The following SLC8A1 variants were observed in gnomAD, a reference collection of about 807,000 sequenced individuals.
The protein encoded by SLC8A1 is solute carrier family 8 member A1.
Under a neutral mutation model 68.3 loss-of-function variants are expected in SLC8A1, and 18 were observed. That is an observed-to-expected ratio of 0.26 (90% CI 0.18 to 0.39). The LOEUF (loss-of-function observed/expected upper bound fraction) is 0.39, where lower values mean the gene tolerates loss of function less well. Among genes scored for constraint, SLC8A1 ranks in the 10% least tolerant of loss-of-function variants. The pLI is 1.00. For missense variants in SLC8A1, 985 were observed against 1,156.7 expected (o/e 0.85, Z 2.15); for synonymous variants, 475 against 415.5 (o/e 1.14, Z -1.74).
At chr2:40,315,950 C>T (rs2074389525) in intron 2 of SLC8A1, among the ~76,000 whole-genome samples, 1 of 151,978 alleles carries the variant, frequency 6.6e-6, no homozygotes, top group Non-Finnish European at 1.5e-5. Flanking sequence ...TTACACTGGT[C>T]TCAGGCCAAT....
chr2:40,250,843 T>C (rs1482829042), intron 2 of SLC8A1: 1 of 152,068 alleles, frequency 6.6e-6, no homozygotes, highest in Non-Finnish European at 1.5e-5. Context: ...CATACATGTA[T>C]ATGCAAAAAA....
chr2:40,214,044 T>A (rs1389474993), intron 2 of SLC8A1, among the ~76,000 whole-genome samples: 2 of 152,190 alleles, frequency 1.3e-5, no homozygotes, highest in African/African-American at 4.8e-5. Flanking sequence ...GTAGAAATGA[T>A]GACTGTGTGG....
intron 1 of SLC8A1, among the ~76,000 whole-genome samples, chr2:40,432,149 T>C (rs1484808212): frequency 6.6e-6 from 1 of 151,998 alleles, no homozygotes; most frequent in South Asian, 2.1e-4. Context: ...TGTTGGAAGA[T>C]CTAGTTCCAA....
chr2:40,114,108 G>A (rs2034921651), exon 8 of SLC8A1: 1 of 152,716 alleles, frequency 6.5e-6, no homozygotes, highest in South Asian at 2.1e-4. Flanking sequence ...AGAACAGTAT[G>A]TACTATACTC....
chr2:40,423,724 A>C (rs1696123805), intron 2 of SLC8A1, among the ~76,000 whole-genome samples: 1 of 152,026 alleles, frequency 6.6e-6, no homozygotes, highest in Non-Finnish European at 1.5e-5. Flanking sequence ...TTGACACCAT[A>C]AACAACCTTT....
intron 1 of SLC8A1, among the ~76,000 whole-genome samples, chr2:40,499,447 T>C (rs1705912603): frequency 6.6e-6 from 1 of 152,098 alleles, no homozygotes; most frequent in African/African-American, 2.4e-5. Flanking sequence ...GGAATTGCTT[T>C]TGTGCCAACT....
chr2:40,412,998 C>A (rs897802976), intron 2 of SLC8A1, among the ~76,000 whole-genome samples: 1 of 152,020 alleles, frequency 6.6e-6, no homozygotes, highest in Non-Finnish European at 1.5e-5. Context: ...GTGTGCTGCA[C>A]CCATTAACTT....
At chr2:40,160,637 A>T (rs746038446) in intron 6 of SLC8A1, 128 bp downstream of exon 9, 7 of 751,802 alleles carry the variant, frequency 9.3e-6, no homozygotes, top group Non-Finnish European at 1.4e-5. Context: ...TAACAAATAA[A>T]CTTATTTCTC....
At chr2:40,481,021 G>A (rs1019138595) in intron 1 of SLC8A1, among the ~76,000 whole-genome samples, 8 of 152,262 alleles carry the variant, frequency 5.3e-5, no homozygotes, top group African/African-American at 1.4e-4. Context: ...GAAGAGAGGA[G>A]TATATTATTT....
At chr2:40,225,223 T>C (rs913919357) in intron 2 of SLC8A1, among the ~76,000 whole-genome samples, 3 of 152,174 alleles carry the variant, frequency 2.0e-5, no homozygotes, top group Non-Finnish European at 4.4e-5. Flanking sequence ...TGGCTTTAAT[T>C]ATGGCTAGTT....
At chr2:40,432,520 G>A (rs1379176505) in intron 1 of SLC8A1, among the ~76,000 whole-genome samples, 1 of 149,268 alleles carries the variant, frequency 6.7e-6, no homozygotes, top group East Asian at 2.0e-4. Context: ...AAGTCCTGAA[G>A]GACACGAAAG....
At chr2:40,288,539 A>T (rs995531816) in intron 2 of SLC8A1, among the ~76,000 whole-genome samples, 3 of 151,982 alleles carry the variant, frequency 2.0e-5, no homozygotes, top group African/African-American at 7.3e-5. Flanking sequence ...GTTGAGGAAA[A>T]CTTCACAGGG....
chr2:40,393,992 A>C (rs1686106141), intron 2 of SLC8A1, among the ~76,000 whole-genome samples: 1 of 152,096 alleles, frequency 6.6e-6, no homozygotes, highest in African/African-American at 2.4e-5. Flanking sequence ...CTTGCCCCTT[A>C]GGTGACATGT....
At chr2:40,275,061 T>C (rs921655601) in intron 2 of SLC8A1, among the ~76,000 whole-genome samples, 1 of 152,222 alleles carries the variant, frequency 6.6e-6, no homozygotes, top group Non-Finnish European at 1.5e-5. Flanking sequence ...ATCAAATTAG[T>C]ATTAAAACAA....
At chr2:40,330,136 G>C (rs2160236) in intron 2 of SLC8A1, among the ~76,000 whole-genome samples, 80,815 of 151,970 alleles carry the variant, frequency 0.53, 23,437 homozygotes, top group African/African-American at 0.76. Flanking sequence ...ACTATCCTAC[G>C]CTATTTATTA....
At chr2:40,402,641 C>T (rs2149663726) in intron 2 of SLC8A1, among the ~76,000 whole-genome samples, 1 of 152,302 alleles carries the variant, frequency 6.6e-6, no homozygotes, top group East Asian at 1.9e-4. Context: ...GATTTTCTGT[C>T]ATGGCCTGGA....
intron 2 of SLC8A1, among the ~76,000 whole-genome samples, chr2:40,428,162 T>A (rs755199860): frequency 1.3e-5 from 2 of 152,126 alleles, no homozygotes; most frequent in Non-Finnish European, 2.9e-5. Context: ...TCTCAGCCTG[T>A]CTTAAGTCAT....
Position 40,429,528 on chromosome 2 carries a change from T to C in SLC8A1, c.753A>G (p.Val251=), listed in dbSNP as rs762101866. Residue 251 remains valine, a synonymous_variant, in exon 2 of 8, where the codon GTA becomes GTG. Transcript: ENST00000406785. Reference sequence around the variant, plus strand: ...TGTAAAACAGAAGTCTCCTATCCGCTACCCAAGCGAACACAACACAGATGG... The same window carrying C: ...TGTAAAACAGAAGTCTCCTATCCGCCACCCAAGCGAACACAACACAGATGG... 13 of 1,613,708 alleles carry C rather than the reference T, an allele frequency of 8.1e-6. No individual in the cohort carries two copies. The East Asian group carries it at 2.7e-4, about 33-fold the overall frequency.
chr2:40,293,110 G>T (rs1193879663), intron 2 of SLC8A1, among the ~76,000 whole-genome samples: 1 of 152,116 alleles, frequency 6.6e-6, no homozygotes, highest in African/African-American at 2.4e-5. Context: ...TCCTTGGAAT[G>T]CTTTTCCTCC....
Sources: gnomAD v4.1 joint callset for allele counts (sites outside exome capture counted in the v4.1 genomes callset) on GRCh38, gnomAD v4.1.1 for gene constraint, MANE v1.5 for transcripts, NCBI Gene and HGNC (gene_info 2026-07-23, HGNC 2026-07-21) for gene names.